CTSK: variants seen among roughly 807,000 people sequenced by gnomAD.
CTSK encodes cathepsin O.
In CTSK, 26 loss-of-function variants were observed where a neutral mutation model predicts 40.5. The observed-to-expected ratio is 0.64, with a 90% confidence interval of 0.47 to 0.89. The LOEUF (loss-of-function observed/expected upper bound fraction) is 0.89, where lower values mean the gene tolerates loss of function less well. Among genes scored for constraint, CTSK ranks in the 40% least tolerant of loss-of-function variants. CTSK has a pLI of 0.00. For synonymous variants in CTSK, 132 were observed against 143.2 expected, an observed-to-expected ratio of 0.92 and a Z score of 0.56; for missense variants, 292 against 400.1, an observed-to-expected ratio of 0.73 and a Z score of 2.30.
intron 5 of CTSK, chr1:150,800,329 G>C (rs1653966951): frequency 6.4e-6 from 1 of 156,484 alleles, no homozygotes; most frequent in South Asian, 1.9e-4. Context: ...ATTAGCCTCA[G>C]GGGGCAGGAA....
At position 150,799,532 on chromosome 1, in the gene CTSK, G is replaced by A; in HGVS notation, c.784+12C>T. The A allele has an allele frequency of 2.5e-6, 4 of 1,614,038 alleles. No individual in the cohort carries two copies. Among genetic ancestry groups the A allele is most frequent in the Non-Finnish European group, 3.4e-6 (4 of 1,179,908 alleles). On this transcript the variant is annotated intron_variant, in intron 6 of 7. Coordinates refer to ENST00000271651, the MANE Select transcript of CTSK (RefSeq NM_000396.4). ...TAAAAGACAGTGCTGTATAGGATCA[G>A]CAGCTTCTTACCTTTGCTGTAAAAC...
Position 150,799,211 on chromosome 1 carries a change from A to G in CTSK, c.847T>C (p.Tyr283His). The G allele has an allele frequency of 6.2e-7, 1 of 1,613,250 alleles. No individual in the cohort carries two copies. Among genetic ancestry groups the G allele is most frequent in the East Asian group, 2.2e-5 (1 of 44,882 alleles). The change falls in exon 7 of 8, where the codon TAT becomes CAT. Residue 283 changes from tyrosine (Y) to histidine (H), a missense_variant. Tyr to His is a moderately conservative substitution (Grantham distance 83). Transcript: ENST00000271651. ...NLNHAVLAVGYGIQKGNKHWI... is the reference protein window; with the variant it reads ...NLNHAVLAVGHGIQKGNKHWI... The stretch of plus-strand genomic sequence containing the variant: ...TGCTTGTTTCCCTTCTGGATTCCAT[A>G]TCCCACTGCCAAAACTGCATGGTTC...
chr1:150,804,388 T>C (rs1182285431), intron 4 of CTSK, 149 bp from the exon 5 acceptor site: 3 of 720,784 alleles, frequency 4.2e-6, no homozygotes, highest in Non-Finnish European at 7.4e-6. Context: ...TTAATATCTG[T>C]TGCACTGTTC....
intron 1 of CTSK, 113 bp from the exon 2 acceptor site, chr1:150,806,919 AG>A: frequency 7.8e-7 from 1 of 1,285,142 alleles, no homozygotes; most frequent in Non-Finnish European, 1.1e-6. Flanking sequence ...AAACAATGAT[AG>A]TCAGGAGGGG....
chr1:150,806,825 A>C lies in CTSK; in HGVS notation c.-1-19T>G. ...CCACATCCTGCAGAAGAATGTAGTT[A>C]GGGAAAACTCTTCCATTTGGCAGGG... On this transcript the variant is annotated intron_variant, in intron 1 of 7. Coordinates refer to ENST00000271651, the MANE Select transcript of CTSK (RefSeq NM_000396.4). The C allele has an allele frequency of 5.0e-6, 8 of 1,612,988 alleles. No homozygotes were observed. In the South Asian group the frequency reaches 7.7e-5, roughly 15 times the overall value.
intron 4 of CTSK, 134 bp downstream of exon 4, chr1:150,805,727 G>T (rs1654076931): frequency 7.6e-6 from 6 of 789,254 alleles, no homozygotes; most frequent in South Asian, 2.9e-5. Flanking sequence ...TTAAATAACA[G>T]AATGGGAATG....
chr1:150,798,582 A>G (rs1397859881), intron 7 of CTSK, among the ~76,000 whole-genome samples: 2 of 152,062 alleles, frequency 1.3e-5, no homozygotes, highest in East Asian at 1.9e-4. Flanking sequence ...ATTGAGCACT[A>G]TTGTCTGGCG....
Position 150,796,602 on chromosome 1 carries a change from T to C in CTSK, c.*197A>G. The C allele has an allele frequency of 1.5e-6, 1 of 657,148 alleles. No individual in the cohort carries two copies. The allele number at this position is 657,148 out of a possible 1,614,324, so 40.7% of individuals were successfully genotyped here. ...TCAGGGAAAGTCCTGATGGCCACAG[T>C]GAAAAAGGTCATGGGTGGAGAGAAG... On this transcript the variant is annotated 3_prime_UTR_variant, in exon 8 of 8. Coordinates refer to ENST00000271651, the MANE Select transcript of CTSK (RefSeq NM_000396.4).
chr1:150,806,227 A>G lies in CTSK; in HGVS notation c.121-3T>C. Reference sequence around the variant, plus strand: ...AAACGCCGAGAGATTTCATCCACCTAAACAAAGCATAGTCAGTACTTGTAT... The same window carrying G: ...AAACGCCGAGAGATTTCATCCACCTGAACAAAGCATAGTCAGTACTTGTAT... On this transcript the variant is annotated splice_region_variant and splice_polypyrimidine_tract_variant and intron_variant, in intron 2 of 7. Transcript: ENST00000271651. The G allele has an allele frequency of 6.2e-7, 1 of 1,614,002 alleles. No homozygotes were observed. The highest frequency in any genetic ancestry group is 8.5e-7 in the Non-Finnish European group (1 of 1,179,962).
chr1:150,800,194 C>CA (rs57369418), intron 5 of CTSK, among the ~76,000 whole-genome samples: 2 of 71,708 alleles, frequency 2.8e-5, no homozygotes, highest in Middle Eastern at 0.013. Context: ...GACTCCATCT[C>CA]AAAAAAAAAA....
At chr1:150,807,890 C>T (rs1489556048) in intron 1 of CTSK, among the ~76,000 whole-genome samples, 1 of 152,202 alleles carries the variant, frequency 6.6e-6, no homozygotes, top group Admixed American at 6.5e-5. Context: ...CTCTCCTCCT[C>T]CTCACTAAGG....
intron 7 of CTSK, 56 bp from the exon 8 acceptor site, chr1:150,796,954 A>C: frequency 8.5e-7 from 1 of 1,179,404 alleles, no homozygotes; most frequent in Admixed American, 1.7e-5. Context: ...ATTCATTAAA[A>C]TATTTACTGA....
chr1:150,798,847 T>C (rs1653925044), intron 7 of CTSK, among the ~76,000 whole-genome samples: 1 of 152,214 alleles, frequency 6.6e-6, no homozygotes, highest in Non-Finnish European at 1.5e-5. Flanking sequence ...CTCTTTTGCC[T>C]TCTGCCATGA....
In CTSK at chr1:150,796,840, C is replaced by T. The variant is rs587756638; in HGVS notation, c.949G>A (p.Ala317Thr). 22 of 1,614,112 alleles carry T rather than the reference C, an allele frequency of 1.4e-5. No individual in the cohort carries two copies. The highest frequency in any genetic ancestry group is 1.6e-4 in the Middle Eastern group (1 of 6,062). ...YILMARNKNN[A>T]CGIANLASFP... ...CTGGCCAGGTTGGCAATGCCACAGG[C>T]GTTGTTCTTATTTCGAGCCATGAGG... is the stretch of plus-strand genomic sequence containing the variant. Residue 317 changes from alanine (A) to threonine (T), a missense_variant, in exon 8 of 8, where the codon GCC becomes ACC. By Grantham distance (58) the Ala-to-Thr change is moderately conservative. Transcript: ENST00000271651.
chr1:150,799,978 C>T (rs1333106933), intron 5 of CTSK, among the ~76,000 whole-genome samples: 4 of 151,896 alleles, frequency 2.6e-5, no homozygotes, highest in African/African-American at 4.8e-5. Flanking sequence ...GGGTGGATCA[C>T]GAGGTCAGGA....
rs587684857 is a variant in CTSK, at chr1:150,797,165, A to G, written c.891-267T>C. Reference sequence around the variant, plus strand: ...AGCCAAAAGGCTAAGTAGAATTTCGACCTGTGGGAAGGGGATGCCAGTGGA... The same window carrying G: ...AGCCAAAAGGCTAAGTAGAATTTCGGCCTGTGGGAAGGGGATGCCAGTGGA... On this transcript the variant is annotated intron_variant, in intron 7 of 7. Transcript: ENST00000271651. Among the ~76,000 whole-genome samples, 10 of 152,276 alleles carry G rather than the reference A, an allele frequency of 6.6e-5. No homozygotes were observed. The South Asian group carries it at 2.1e-3, about 32-fold the overall frequency.
At chr1:150,798,183 T>C (rs1240574434) in intron 7 of CTSK, among the ~76,000 whole-genome samples, 4 of 152,174 alleles carry the variant, frequency 2.6e-5, no homozygotes, top group African/African-American at 9.7e-5. Flanking sequence ...TTCCCCAACA[T>C]AGGAAAGTAA....
intron 4 of CTSK, 99 bp downstream of exon 4, chr1:150,805,762 C>A: frequency 8.2e-7 from 1 of 1,213,430 alleles, no homozygotes; most frequent in Non-Finnish European, 1.2e-6. Context: ...AATTCCTTGC[C>A]CTCTTTTCCT....
At position 150,799,665 on chromosome 1, in the gene CTSK, G is replaced by A. The variant is rs753457881; in HGVS notation, c.663C>T (p.Cys221=). 1.2e-6 allele frequency: 2 copies of A among 1,614,118 alleles called. No homozygotes were observed. The highest frequency in any genetic ancestry group is 3.3e-5 in the Admixed American group (2 of 60,022). The part of the protein sequence containing the change: ...MYNPTGKAAK[C]RGYREIPEGN... Reference sequence around the variant, plus strand: ...CCTCGGGGATCTCTCTGTACCCTCTGCATTTAGCTGCCTTGCCTGTTGGGT... The same window carrying A: ...CCTCGGGGATCTCTCTGTACCCTCTACATTTAGCTGCCTTGCCTGTTGGGT... The change falls in exon 6 of 8, where the codon TGC becomes TGT. Residue 221 remains cysteine, a synonymous_variant. Transcript: ENST00000271651.
Sources: allele counts gnomAD v4.1 joint callset (sites outside exome capture counted in the v4.1 genomes callset), GRCh38; gene constraint gnomAD v4.1.1; transcripts MANE v1.5; gene names NCBI Gene and HGNC (gene_info 2026-07-23, HGNC 2026-07-21).